The following SQLE variants were observed in gnomAD, a reference collection of about 807,000 sequenced individuals.
SQLE encodes the protein squalene epoxidase, also known as squalene monooxygenase.
In SQLE, 29 loss-of-function variants were observed where a neutral mutation model predicts 60.7. The ratio of observed to expected loss-of-function variants is 0.48; its 90% CI spans 0.36 to 0.65. The LOEUF (loss-of-function observed/expected upper bound fraction) is 0.65, where lower values mean the gene tolerates loss of function less well. SQLE is among the 30% of genes least tolerant of loss of function. The pLI, the probability that SQLE is intolerant of heterozygous loss-of-function variation, is 0.00. For synonymous variants in SQLE, 237 were observed against 246.8 expected (o/e 0.96, Z 0.37); for missense variants, 605 against 684.1 (o/e 0.88, Z 1.29).
At chr8:125,017,007 G>T (rs1586319610) in intron 7 of SQLE, among the ~76,000 whole-genome samples, 1 of 152,122 alleles carries the variant, frequency 6.6e-6, no homozygotes, top group African/African-American at 2.4e-5. Context: ...CTGGAGCTGT[G>T]GGGGACGGGT....
chr8:125,011,807 A>G (rs570147689), intron 7 of SQLE, among the ~76,000 whole-genome samples, 175 bp downstream of exon 7: 51 of 132,580 alleles, frequency 3.8e-4, no homozygotes, highest in African/African-American at 1.5e-3. Context: ...CATTGAGTGT[A>G]TACAAGTATT....
chr8:125,001,470 GTGTGTGTGTGTGTGTGTGTA>G (rs984893972), intron 1 of SQLE, among the ~76,000 whole-genome samples: 12 of 145,516 alleles, frequency 8.2e-5, no homozygotes, highest in Middle Eastern at 3.5e-3. Flanking sequence ...GTGTGTGTGT[GTGTGTGTGTGTGTGTGTGTA>G]TATAAAACAG....
intron 7 of SQLE, among the ~76,000 whole-genome samples, chr8:125,014,097 T>C (rs887636994): frequency 6.9e-6 from 1 of 145,542 alleles, no homozygotes; most frequent in Non-Finnish European, 1.5e-5. Context: ...CTAAGATTAA[T>C]TATTCTGTCA....
intron 1 of SQLE, among the ~76,000 whole-genome samples, chr8:125,001,018 G>T (rs2129868306): frequency 6.6e-6 from 1 of 152,250 alleles, no homozygotes; most frequent in East Asian, 1.9e-4. Flanking sequence ...CCTGATAATA[G>T]TAGCTGTTAA....
At chr8:125,019,344 G>A (rs1025215935) in intron 9 of SQLE, among the ~76,000 whole-genome samples, 1 of 151,820 alleles carries the variant, frequency 6.6e-6, no homozygotes, top group Non-Finnish European at 1.5e-5. Context: ...CAGCACTTCA[G>A]GAGGCCAAGG....
At chr8:125,006,695 C>T (rs1398971157) in intron 3 of SQLE, among the ~76,000 whole-genome samples, 2 of 149,754 alleles carry the variant, frequency 1.3e-5, no homozygotes, top group African/African-American at 4.9e-5. Flanking sequence ...ATCTTTCTGA[C>T]TAGAAATAAT....
At chr8:125,003,560 C>G in intron 2 of SQLE, 132 bp downstream of exon 2, 1 of 1,110,870 alleles carries the variant, frequency 9.0e-7, no homozygotes. Flanking sequence ...CATTTACCAA[C>G]AAATTTGCAT....
At chr8:125,018,230 C>T in intron 8 of SQLE, 29 bp downstream of exon 8, 1 of 1,607,996 alleles carries the variant, frequency 6.2e-7, no homozygotes, top group Non-Finnish European at 8.5e-7. Flanking sequence ...ACAAAAATGT[C>T]TCAAAATGGA....
chr8:125,015,439 T>G (rs972247069), intron 7 of SQLE, among the ~76,000 whole-genome samples: 1 of 152,222 alleles, frequency 6.6e-6, no homozygotes, highest in African/African-American at 2.4e-5. Context: ...TTTTGTTTTC[T>G]GATTGTTTTG....
chr8:125,022,045 A>AT lies in SQLE; in HGVS notation c.*100_*101insT. The AT allele has an allele frequency of 3.7e-6, 3 of 807,140 alleles. No individual in the cohort carries two copies. The highest frequency in any genetic ancestry group is 5.1e-6 in the Non-Finnish European group (3 of 588,706). 50.0% of individuals were successfully genotyped at this position (807,140 alleles called of 1,614,324 possible). A position where few individuals can be genotyped will look rare whatever the true frequency, so the allele number is the denominator to read the frequency against. On this transcript the variant is annotated 3_prime_UTR_variant, in exon 11 of 11. Transcript: ENST00000265896. Reference sequence around the variant, plus strand: ...TATAGCATAGTACCATACCACTTATAAAGTGGAAACTCTTGGACCAAGATT... The same window carrying AT: ...TATAGCATAGTACCATACCACTTATATAAGTGGAAACTCTTGGACCAAGATT...
chr8:125,003,534 T>C (rs1325444877), intron 2 of SQLE, 106 bp downstream of exon 2: 31 of 1,359,032 alleles, frequency 2.3e-5, no homozygotes, highest in Non-Finnish European at 3.0e-5. Flanking sequence ...TTTTCATTTA[T>C]AAAATTTTCT....
chr8:125,006,710 C>CTTT (rs566345105), intron 3 of SQLE, among the ~76,000 whole-genome samples: 1 of 145,702 alleles, frequency 6.9e-6, no homozygotes, highest in Non-Finnish European at 1.5e-5. Context: ...AATAATTACT[C>CTTT]TTTCTTTTTT....
intron 3 of SQLE, among the ~76,000 whole-genome samples, chr8:125,006,853 T>TGC (rs1814958983): frequency 2.6e-5 from 4 of 151,606 alleles, no homozygotes; most frequent in Admixed American, 2.6e-4. Context: ...TACAGGCACA[T>TGC]GCCACCACGC....
rs1815004106 is a variant in SQLE at position 125,009,262 on chromosome 8, C to T, written c.1027C>T (p.Arg343Ter). 4.3e-6 allele frequency: 7 copies of T among 1,613,704 alleles called. No individual in the cohort carries two copies. Among genetic ancestry groups the T allele is most frequent in the Non-Finnish European group, 3.4e-6 (4 of 1,179,876 alleles). The change falls in exon 6 of 11, where the codon CGA becomes TGA. Residue 343 changes from arginine (R) to a stop codon, truncating the protein, a stop_gained. Coordinates refer to ENST00000265896, the MANE Select transcript of SQLE (RefSeq NM_003129.4). LOFTEE classifies it high-confidence loss of function. Reference sequence around the variant, plus strand: ...CTACCAGATTTCATCCAGTGAAACTCGAGTACTTGTTGACATTAGAGGAGA... The same window carrying T: ...CTACCAGATTTCATCCAGTGAAACTTGAGTACTTGTTGACATTAGAGGAGA... The part of the protein sequence containing the change: ...LIYQISSSET[R>*]VLVDIRGEMP...
chr8:125,005,511 C>G lies in SQLE; in HGVS notation c.545-14C>G, dbSNP rs769241614. The G allele has an allele frequency of 6.4e-7, 1 of 1,554,774 alleles. No individual in the cohort carries two copies. Among genetic ancestry groups the G allele is most frequent in the Non-Finnish European group, 8.7e-7 (1 of 1,143,084 alleles). The stretch of plus-strand genomic sequence containing the variant: ...TTAACAGAATTGATTGTTTTGAACT[C>G]GATTGCTTTGCAGATACAGTGGAAG... On this transcript the variant is annotated splice_polypyrimidine_tract_variant and intron_variant, in intron 2 of 10. Coordinates refer to ENST00000265896, the MANE Select transcript of SQLE (RefSeq NM_003129.4).
At chr8:125,018,537 C>A in intron 8 of SQLE, 94 bp from the exon 9 acceptor site, 1 of 808,532 alleles carries the variant, frequency 1.2e-6, no homozygotes, top group South Asian at 1.8e-5. Context: ...GCAGATAGTC[C>A]TTAGAAGGAT....
intron 1 of SQLE, among the ~76,000 whole-genome samples, chr8:125,001,449 G>GGGGTGTGTGTGTGT (rs148454550): frequency 1.5e-5 from 2 of 136,960 alleles, no homozygotes; most frequent in African/African-American, 5.5e-5. Context: ...CTCCTTTCAG[G>GGGGTGTGTGTGTGT]GTGTGTGTGT....
chr8:125,019,287 G>GCTAT lies in SQLE; in HGVS notation c.1444+560_1444+561insCTAT, dbSNP rs1815162805. On this transcript the variant is annotated intron_variant, in intron 9 of 10. Coordinates refer to ENST00000265896, the MANE Select transcript of SQLE (RefSeq NM_003129.4). The stretch of plus-strand genomic sequence containing the variant: ...ACACAACTTAGCAGAAGCAGTGTTA[G>GCTAT]AAATGGAGGAAAAGAGGCCAGGCGA... Among the ~76,000 whole-genome samples, 3 of 151,758 alleles carry GCTAT rather than the reference G, an allele frequency of 2.0e-5. No homozygotes were observed. The Admixed American group carries it at 2.0e-4, about 10-fold the overall frequency.
At chr8:125,007,517 A>C in intron 4 of SQLE, 30 bp downstream of exon 4, 3 of 1,451,984 alleles carry the variant, frequency 2.1e-6, no homozygotes, top group Non-Finnish European at 2.8e-6. Context: ...ACCTCTTCCT[A>C]AGAGATGTTG....
Sources: allele counts gnomAD v4.1 joint callset (sites outside exome capture counted in the v4.1 genomes callset), GRCh38; gene constraint gnomAD v4.1.1; transcripts MANE v1.5; gene names NCBI Gene and HGNC (gene_info 2026-07-23, HGNC 2026-07-21).